RSAD2: variants seen among roughly 807,000 people sequenced by gnomAD.
The protein encoded by RSAD2 is radical S-adenosyl methionine domain containing 2.
A neutral mutation model predicts 37.7 loss-of-function variants in RSAD2; 38 were observed. That is an observed-to-expected ratio of 1.01 (90% CI 0.78 to 1.32). The LOEUF (loss-of-function observed/expected upper bound fraction) is 1.32, where lower values mean the gene tolerates loss of function less well. RSAD2 is among the 40% of genes most tolerant of loss of function. The pLI is 0.00. For missense variants in RSAD2, 428 were observed against 437.5 expected, an observed-to-expected ratio of 0.98 and a Z score of 0.19; for synonymous variants, 163 against 157.4, an observed-to-expected ratio of 1.04 and a Z score of -0.27.
At chr2:6,894,896 T>G (rs1663706400) in intron 5 of RSAD2, among the ~76,000 whole-genome samples, 2 of 152,240 alleles carry the variant, frequency 1.3e-5, no homozygotes, top group Admixed American at 1.3e-4. Context: ...ATTCAAACAA[T>G]TTATTTTTGG....
At chr2:6,877,608 CTT>C, upstream of RSAD2, 1 of 583,244 alleles carries the variant, frequency 1.7e-6, no homozygotes, top group Non-Finnish European at 3.0e-6. Flanking sequence ...GATCTCTAGT[CTT>C]CAGTCTTGGC....
In RSAD2 at chr2:6,897,762, G is replaced by A. The variant is rs1427540140; in HGVS notation, c.*1820G>A. 1 of 152,198 alleles carries A rather than the reference G, an allele frequency of 6.6e-6. No homozygotes were observed. Among genetic ancestry groups the A allele is most frequent in the East Asian group, 1.9e-4 (1 of 5,196 alleles). The allele number at this position is 152,198 out of a possible 1,614,324, so 9.4% of individuals were successfully genotyped here. Reference sequence around the variant, plus strand: ...CGCCTGTAATCCCAGCACTTGGGAGGACAATGTGGGTGGATCACGAGGTCA... The same window carrying A: ...CGCCTGTAATCCCAGCACTTGGGAGAACAATGTGGGTGGATCACGAGGTCA... On this transcript the variant is annotated 3_prime_UTR_variant, in exon 6 of 6. Coordinates refer to ENST00000382040, the MANE Select transcript of RSAD2 (RefSeq NM_080657.5).
Position 6,895,853 on chromosome 2 carries a change from A to G in RSAD2, c.997A>G (p.Ile333Val), listed in dbSNP as rs1259233884. 1 of 1,614,094 alleles carries G rather than the reference A, an allele frequency of 6.2e-7. No homozygotes were observed. Among genetic ancestry groups the G allele is most frequent in the Non-Finnish European group, 8.5e-7 (1 of 1,180,016 alleles). Residue 333 changes from isoleucine to valine, a missense_variant, in exon 6 of 6, where the codon ATA (isoleucine) becomes GTA (valine). Physicochemically the swap from Ile to Val is conservative, Grantham distance 29. Coordinates refer to ENST00000382040, the MANE Select transcript of RSAD2 (RefSeq NM_080657.5). ...SILDVGVEEA[I>V]KFSGFDEKMF... ...CCTGGATGTTGGTGTAGAAGAAGCT[A>G]TAAAATTCAGTGGATTTGATGAAAA... is the stretch of plus-strand genomic sequence containing the variant.
At chr2:6,882,583 G>T (rs1438688877) in intron 1 of RSAD2, among the ~76,000 whole-genome samples, 1 of 152,030 alleles carries the variant, frequency 6.6e-6, no homozygotes, top group Non-Finnish European at 1.5e-5. Context: ...TGAGACAAGG[G>T]GTGAATAAGC....
upstream of RSAD2, among the ~76,000 whole-genome samples, chr2:6,873,629 G>A (rs1196413134): frequency 1.3e-5 from 2 of 152,140 alleles, no homozygotes; most frequent in Non-Finnish European, 2.9e-5. Flanking sequence ...ATGTAAATCT[G>A]TATTCTTTTC....
At chr2:6,893,548 C>T (rs907027817) in intron 4 of RSAD2, 123 bp from the exon 5 acceptor site, 3 of 797,400 alleles carry the variant, frequency 3.8e-6, no homozygotes, top group Middle Eastern at 2.4e-4. Context: ...CCAAAGGCAA[C>T]TCAAGGGAAA....
intron 2 of RSAD2, chr2:6,883,784 A>C: frequency 2.3e-6 from 1 of 436,678 alleles, no homozygotes; most frequent in Non-Finnish European, 4.1e-6. Context: ...TATCTTGTAC[A>C]TTGCAATTTA....
At chr2:6,888,161 G>GT (rs1340438398) in intron 3 of RSAD2, among the ~76,000 whole-genome samples, 4 of 152,160 alleles carry the variant, frequency 2.6e-5, no homozygotes, top group Middle Eastern at 3.2e-3. Flanking sequence ...TGCCTTGGCT[G>GT]TTTTTTTAAA....
chr2:6,876,013 G>A (rs1663274890), upstream of RSAD2, among the ~76,000 whole-genome samples: 1 of 152,148 alleles, frequency 6.6e-6, no homozygotes, highest in Non-Finnish European at 1.5e-5. Flanking sequence ...AGACTCCCTT[G>A]CTCGTGTGGT....
At position 6,897,764 on chromosome 2, in the gene RSAD2, C is replaced by CA. The variant is rs1663810485; in HGVS notation, c.*1824dup. ...CCTGTAATCCCAGCACTTGGGAGGA[C>CA]AATGTGGGTGGATCACGAGGTCAGG... On this transcript the variant is annotated 3_prime_UTR_variant, in exon 6 of 6. Coordinates refer to ENST00000382040, the MANE Select transcript of RSAD2 (RefSeq NM_080657.5). 1 of 152,116 alleles carries CA rather than the reference C, an allele frequency of 6.6e-6. No individual in the cohort carries two copies. Among genetic ancestry groups the CA allele is most frequent in the African/African-American group, 2.4e-5 (1 of 41,416 alleles). 9.4% of individuals were successfully genotyped at this position (152,116 alleles called of 1,614,324 possible).
upstream of RSAD2, among the ~76,000 whole-genome samples, chr2:6,875,519 C>G (rs1663266643): frequency 6.6e-6 from 1 of 152,168 alleles, no homozygotes; most frequent in South Asian, 2.1e-4. Context: ...TATGATGGTT[C>G]CTAATCTTCA....
chr2:6,878,841 T>C, intron 1 of RSAD2: 1 of 1,221,830 alleles, frequency 8.2e-7, no homozygotes, highest in Non-Finnish European at 1.1e-6. Flanking sequence ...ACTAGTAACT[T>C]CAGCAACATC....
At chr2:6,894,942 C>T (rs1334690368) in intron 5 of RSAD2, among the ~76,000 whole-genome samples, 1 of 152,120 alleles carries the variant, frequency 6.6e-6, no homozygotes. Flanking sequence ...TGATTTTGAC[C>T]AGCATCCCTC....
intron 3 of RSAD2, among the ~76,000 whole-genome samples, chr2:6,888,552 C>T (rs1215899520): frequency 6.6e-6 from 1 of 152,164 alleles, no homozygotes; most frequent in Non-Finnish European, 1.5e-5. Context: ...TACTGTCTTC[C>T]TCATTGTTCT....
At chr2:6,879,406 G>A (rs1375995933) in intron 1 of RSAD2, among the ~76,000 whole-genome samples, 1 of 152,070 alleles carries the variant, frequency 6.6e-6, no homozygotes, top group African/African-American at 2.4e-5. Flanking sequence ...CTCAGCCTCT[G>A]CTACCCTGAT....
intron 1 of RSAD2, among the ~76,000 whole-genome samples, chr2:6,868,445 A>C (rs1361096209): frequency 6.6e-6 from 1 of 152,232 alleles, no homozygotes; most frequent in Non-Finnish European, 1.5e-5. Flanking sequence ...TTCCACATTC[A>C]TAAAAGTGAA....
At chr2:6,870,207 C>T (rs558825998) in intron 1 of RSAD2, among the ~76,000 whole-genome samples, 52 of 152,276 alleles carry the variant, frequency 3.4e-4, no homozygotes, top group African/African-American at 1.2e-3. Flanking sequence ...GATTCCTTTT[C>T]GGAGAACTTT....
upstream of RSAD2, among the ~76,000 whole-genome samples, chr2:6,873,925 A>G (rs1663241235): frequency 6.6e-6 from 1 of 152,190 alleles, no homozygotes; most frequent in Non-Finnish European, 1.5e-5. Context: ...CCAAGATGTT[A>G]TATGATATGG....
intron 3 of RSAD2, among the ~76,000 whole-genome samples, chr2:6,888,307 A>G (rs4669111): frequency 0.76 from 115,174 of 152,078 alleles, 44,519 homozygotes; most frequent in East Asian, 0.85. Context: ...GCTAATAGGT[A>G]TGTTGAACTT....
Sources: allele counts gnomAD v4.1 joint callset (sites outside exome capture counted in the v4.1 genomes callset), GRCh38; gene constraint gnomAD v4.1.1; transcripts MANE v1.5; gene names NCBI Gene and HGNC (gene_info 2026-07-23, HGNC 2026-07-21).